Variants in MANBA observed in about 807,000 individuals in gnomAD.
MANBA encodes mannosidase beta, also known as beta-mannosidase.
MANBA carries 83 observed loss-of-function variants against 111.1 expected under a neutral mutation model. The ratio of observed to expected loss-of-function variants is 0.75; its 90% CI spans 0.63 to 0.90. The LOEUF (loss-of-function observed/expected upper bound fraction) is 0.90. MANBA is among the 40% of genes least tolerant of loss of function. MANBA has a pLI of 0.00. For synonymous variants in MANBA, 370 were observed against 378.7 expected (o/e 0.98, Z 0.27); for missense variants, 1,036 against 1,069.0 (o/e 0.97, Z 0.43).
At chr4:102,648,302 A>C (rs1399579282) in intron 13 of MANBA, among the ~76,000 whole-genome samples, 3 of 152,140 alleles carry the variant, frequency 2.0e-5, no homozygotes, top group African/African-American at 7.2e-5. Context: ...CATAATAGCC[A>C]AAAATTGGAA....
chr4:102,652,569 A>T (rs7693730), intron 12 of MANBA, among the ~76,000 whole-genome samples: 8,187 of 149,632 alleles, frequency 0.055, 643 homozygotes, highest in African/African-American at 0.19. Flanking sequence ...AACTTTTTTT[A>T]AAAAAAGAAT....
intron 5 of MANBA, among the ~76,000 whole-genome samples, chr4:102,699,693 T>C (rs1249495415): frequency 1.3e-5 from 2 of 150,598 alleles, no homozygotes; most frequent in Admixed American, 1.3e-4. Context: ...CAGCCTTGCA[T>C]CCCAGGGATG....
intron 1 of MANBA, chr4:102,729,159 G>A: frequency 1.4e-6 from 1 of 724,726 alleles, no homozygotes; most frequent in Admixed American, 1.8e-5. Flanking sequence ...CTGTGCTGCA[G>A]ACATCTGTGA....
chr4:102,662,589 A>G (rs1731017858), intron 11 of MANBA: 1 of 152,484 alleles, frequency 6.6e-6, no homozygotes, highest in Non-Finnish European at 1.5e-5. Context: ...GTGAACCACC[A>G]TCTTTCAGTA....
chr4:102,653,584 T>A (rs1490017346), intron 12 of MANBA, among the ~76,000 whole-genome samples: 2 of 152,166 alleles, frequency 1.3e-5, no homozygotes, highest in African/African-American at 4.8e-5. Flanking sequence ...ATTTTCCCAA[T>A]CACCTATTCA....
Position 102,758,151 on chromosome 4 carries a change from C to A in MANBA, c.177+2567G>T, listed in dbSNP as rs545092097. 7.2e-4 allele frequency among the ~76,000 whole-genome samples: 109 copies of A among 152,300 alleles called. 2 individuals carry two copies. Among genetic ancestry groups the A allele is most frequent in the Middle Eastern group, 3.4e-3 (1 of 294 alleles). On this transcript the variant is annotated intron_variant, in intron 1 of 16. Transcript: ENST00000647097. Reference sequence around the variant, plus strand: ...CAGCCTTCACTGTCTCTTCCTTTAACCTGCTCAATTTTTCTTCAGTGTGCC... The same window carrying A: ...CAGCCTTCACTGTCTCTTCCTTTAAACTGCTCAATTTTTCTTCAGTGTGCC...
At position 102,634,891 on chromosome 4, in the gene MANBA, A is replaced by C. The variant is rs1180704397; in HGVS notation, c.2312T>G (p.Val771Gly). 1.9e-6 allele frequency: 3 copies of C among 1,614,148 alleles called. No individual in the cohort carries two copies. Among genetic ancestry groups the C allele is most frequent in the Middle Eastern group, 1.7e-4 (1 of 6,060 alleles). Residue 771 changes from valine to glycine, a missense_variant, in exon 16 of 17, where the codon GTT (valine) becomes GGT (glycine). Val to Gly is a moderately radical substitution (Grantham distance 109, BLOSUM62 -3). Transcript: ENST00000647097. Reference protein sequence around the residue: ...CGNCTRESCVVSFYLSADHEL... With the variant: ...CGNCTRESCVGSFYLSADHEL... ...ATGGTCAGCTGAAAGGTAAAAGGAA[A>C]CCACACAGCTTTCCCGTGTGCAATT...
intron 1 of MANBA, chr4:102,728,500 C>A: frequency 2.7e-6 from 1 of 374,924 alleles, no homozygotes; most frequent in South Asian, 2.1e-5. Context: ...TTGAAAAAAA[C>A]AGGTAACTAT....
chr4:102,676,459 A>C (rs1731733522), intron 7 of MANBA, among the ~76,000 whole-genome samples: 2 of 152,064 alleles, frequency 1.3e-5, no homozygotes, highest in African/African-American at 2.4e-5. Context: ...TACTGTTGAC[A>C]TTGCAGAATG....
chr4:102,637,366 C>T (rs757169615), intron 14 of MANBA, among the ~76,000 whole-genome samples: 5 of 152,158 alleles, frequency 3.3e-5, no homozygotes, highest in African/African-American at 9.7e-5. Flanking sequence ...GTCTCTAATC[C>T]GATTGTGGGT....
chr4:102,734,441 G>A, intron 1 of MANBA: 1 of 1,607,088 alleles, frequency 6.2e-7, no homozygotes, highest in Non-Finnish European at 8.5e-7. Context: ...GACTCTTCCT[G>A]GGAGCCATCT....
chr4:102,686,638 C>T (rs532878574), intron 7 of MANBA, among the ~76,000 whole-genome samples: 1 of 152,090 alleles, frequency 6.6e-6, no homozygotes, highest in Admixed American at 6.5e-5. Flanking sequence ...CTTGAACTCC[C>T]TTGCAGCATT....
chr4:102,669,462 T>A (rs961478327), intron 9 of MANBA, among the ~76,000 whole-genome samples: 6 of 152,190 alleles, frequency 3.9e-5, no homozygotes, highest in Non-Finnish European at 8.8e-5. Flanking sequence ...AATTAGCTTT[T>A]CATAGACAAA....
At chr4:102,651,539 T>A (rs919353316) in intron 12 of MANBA, among the ~76,000 whole-genome samples, 1 of 152,178 alleles carries the variant, frequency 6.6e-6, no homozygotes, top group Non-Finnish European at 1.5e-5. Flanking sequence ...TGGCTACATC[T>A]GAAAATATCC....
intron 4 of MANBA, among the ~76,000 whole-genome samples, chr4:102,715,517 A>AG (rs1722285493): frequency 1.3e-5 from 2 of 152,214 alleles, no homozygotes; most frequent in Admixed American, 1.3e-4. Flanking sequence ...TTTTAAGTTC[A>AG]GGGGTACAAG....
rs1463374603 is a variant in MANBA, at chr4:102,630,923, A to G, written c.*1134T>C. The G allele has an allele frequency of 6.6e-6, 1 of 152,256 alleles. No individual in the cohort carries two copies. The highest frequency in any genetic ancestry group is 1.5e-5 in the Non-Finnish European group (1 of 68,056). 9.4% of individuals were successfully genotyped at this position (152,256 alleles called of 1,614,324 possible). On this transcript the variant is annotated 3_prime_UTR_variant, in exon 17 of 17. Coordinates refer to ENST00000647097, the MANE Select transcript of MANBA (RefSeq NM_005908.4). ...AGTAAACTCTGGCTCATCAGCTTGA[A>G]AGCCCCTTCTCAGGGCCCCTGGCAG... is the stretch of plus-strand genomic sequence containing the variant.
intron 1 of MANBA, among the ~76,000 whole-genome samples, chr4:102,749,769 C>T (rs955523768): frequency 1.3e-5 from 2 of 152,198 alleles, no homozygotes; most frequent in Non-Finnish European, 2.9e-5. Flanking sequence ...AAGTGCATCA[C>T]ACGTGGAAGA....
At chr4:102,677,680 G>T (rs550531106) in intron 7 of MANBA, among the ~76,000 whole-genome samples, 27 of 152,264 alleles carry the variant, frequency 1.8e-4, no homozygotes, top group Non-Finnish European at 3.7e-4. Flanking sequence ...TCTGTGTGAG[G>T]TCAGATTTCC....
intron 7 of MANBA, among the ~76,000 whole-genome samples, chr4:102,676,889 A>G (rs1054353453): frequency 6.6e-6 from 1 of 151,872 alleles, no homozygotes; most frequent in Non-Finnish European, 1.5e-5. Flanking sequence ...TAGTCATTAC[A>G]TCTTTCACCT....
Sources: gnomAD v4.1 joint callset for allele counts (sites outside exome capture counted in the v4.1 genomes callset) on GRCh38, gnomAD v4.1.1 for gene constraint, MANE v1.5 for transcripts, NCBI Gene and HGNC (gene_info 2026-07-23, HGNC 2026-07-21) for gene names.